Variants in PIK3CB observed in about 807,000 individuals in gnomAD.
The protein encoded by PIK3CB is phosphatidylinositol-4,5-bisphosphate 3-kinase catalytic subunit beta.
A neutral mutation model predicts 136.8 loss-of-function variants in PIK3CB; 39 were observed. The ratio of observed to expected loss-of-function variants is 0.29; its 90% CI spans 0.22 to 0.37. PIK3CB has a LOEUF of 0.37. Among genes scored for constraint, PIK3CB ranks in the 10% least tolerant of loss-of-function variants. The pLI is 1.00. For synonymous variants in PIK3CB, 428 were observed against 436.6 expected (o/e 0.98, Z 0.25); for missense variants, 868 against 1,275.4 (o/e 0.68, Z 4.87).
chr3:138,768,551 C>T (rs140448460), intron 2 of PIK3CB, among the ~76,000 whole-genome samples: 1 of 152,324 alleles, frequency 6.6e-6, no homozygotes, highest in African/African-American at 2.4e-5. Context: ...AGCCTTCAGA[C>T]CCTCCCTGGC....
intron 19 of PIK3CB, among the ~76,000 whole-genome samples, chr3:138,676,741 G>A (rs1460220872): frequency 6.6e-6 from 1 of 152,122 alleles, no homozygotes; most frequent in Non-Finnish European, 1.5e-5. Flanking sequence ...AAAGAAGCCA[G>A]TGACAAAGGC....
intron 1 of PIK3CB, among the ~76,000 whole-genome samples, chr3:138,822,982 G>A (rs953255108): frequency 2.8e-5 from 4 of 143,848 alleles, no homozygotes; most frequent in East Asian, 2.2e-4. Flanking sequence ...TTGCAGTGGC[G>A]TGATCTCGGC....
chr3:138,757,443 A>ATACC (rs1174929869), intron 3 of PIK3CB, among the ~76,000 whole-genome samples: 4 of 151,000 alleles, frequency 2.6e-5, no homozygotes, highest in Non-Finnish European at 1.5e-5. Context: ...CCACAATGAG[A>ATACC]TACCACTTCA....
chr3:138,721,036 T>G (rs1485165672), intron 8 of PIK3CB, among the ~76,000 whole-genome samples: 4 of 152,222 alleles, frequency 2.6e-5, no homozygotes, highest in Admixed American at 2.6e-4. Context: ...CTGTTTAAGC[T>G]ACTTTTTGGG....
In PIK3CB at chr3:138,684,686, G is replaced by A. The variant is rs749977364; in HGVS notation, c.2254C>T (p.Arg752Trp). 1.8e-5 allele frequency: 29 copies of A among 1,613,870 alleles called. No individual in the cohort carries two copies. Among genetic ancestry groups the A allele is most frequent in the Middle Eastern group, 1.7e-4 (1 of 6,060 alleles). ...GACTGCAGGTCAGAGAGGGCTTCCC[G>A]GTAAGCACTCTGTTTTAAACAGGTA... ...MHTCLKQSAY[R>W]EALSDLQSPL... Residue 752 changes from arginine (R) to tryptophan (W), a missense_variant, in exon 17 of 24, where the codon CGG (arginine) becomes TGG (tryptophan). By Grantham distance (101) the Arg-to-Trp change is moderately radical (BLOSUM62 -3). Around this residue, in one of 4 missense-constraint regions of PIK3CB, gnomAD observed 165 missense variants for 295.4 expected, o/e 0.56. Coordinates refer to ENST00000674063, the MANE Select transcript of PIK3CB (RefSeq NM_006219.3).
intron 4 of PIK3CB, among the ~76,000 whole-genome samples, chr3:138,744,390 C>A (rs13098897): frequency 0.99 from 101,440 of 102,634 alleles, 50,146 homozygotes; most frequent in East Asian, 0.99. Flanking sequence ...GCGAGACTCC[C>A]CCAAAAAAAA....
intron 1 of PIK3CB, among the ~76,000 whole-genome samples, chr3:138,809,606 CAA>C (rs57717750): frequency 5.3e-5 from 6 of 113,628 alleles, no homozygotes; most frequent in Non-Finnish European, 6.7e-5. Context: ...GACTTTGCCT[CAA>C]AAAAAAAAAA....
At chr3:138,741,118 G>C (rs556021045) in intron 5 of PIK3CB, among the ~76,000 whole-genome samples, 1 of 152,314 alleles carries the variant, frequency 6.6e-6, no homozygotes, top group South Asian at 2.1e-4. Flanking sequence ...ATGACAAATG[G>C]TGTTTTTCCC....
In PIK3CB at chr3:138,826,867, G is replaced by A. The variant is rs1016906138; in HGVS notation, c.-122+7828C>T. Among the ~76,000 whole-genome samples the A allele has an allele frequency of 4.0e-4, 61 of 152,134 alleles. 2 individuals are homozygous for A. The highest frequency in any genetic ancestry group is 2.6e-3 in the Admixed American group (39 of 15,268). Reference sequence around the variant, plus strand: ...GCGGATCGCCTGAGGTCAGGAGTTCGAGACCAGCCTGACTAACATGGTAAA... The same window carrying A: ...GCGGATCGCCTGAGGTCAGGAGTTCAAGACCAGCCTGACTAACATGGTAAA... On this transcript the variant is annotated intron_variant, in intron 1 of 23. Coordinates refer to ENST00000674063, the MANE Select transcript of PIK3CB (RefSeq NM_006219.3).
At chr3:138,682,200 G>C (rs2043796274) in intron 18 of PIK3CB, 155 bp from the exon 19 acceptor site, 1 of 524,542 alleles carries the variant, frequency 1.9e-6, no homozygotes. Context: ...TCTTTGGATA[G>C]CATGTCCCTG....
chr3:138,782,792 C>T (rs1035069148), intron 2 of PIK3CB, among the ~76,000 whole-genome samples: 1 of 152,196 alleles, frequency 6.6e-6, no homozygotes, highest in Non-Finnish European at 1.5e-5. Flanking sequence ...AAGAGAACCA[C>T]CTACCAAAGA....
At chr3:138,783,221 T>G (rs78427102) in intron 2 of PIK3CB, among the ~76,000 whole-genome samples, 4,758 of 152,260 alleles carry the variant, frequency 0.031, 255 homozygotes, top group African/African-American at 0.11. Context: ...TATTTTATTT[T>G]CATAAACAAA....
At chr3:138,717,359 GATTTT>G (rs1035869234) in intron 8 of PIK3CB, among the ~76,000 whole-genome samples, 8 of 151,570 alleles carry the variant, frequency 5.3e-5, no homozygotes, top group African/African-American at 1.9e-4. Flanking sequence ...AATGATCTTT[GATTTT>G]ATTTTATATA....
chr3:138,710,580 T>C (rs1411651983), intron 10 of PIK3CB, among the ~76,000 whole-genome samples: 1 of 152,114 alleles, frequency 6.6e-6, no homozygotes, highest in Non-Finnish European at 1.5e-5. Context: ...TATAGACCAA[T>C]GGGAAGATTT....
intron 1 of PIK3CB, among the ~76,000 whole-genome samples, chr3:138,799,497 G>A (rs1166903997): frequency 6.6e-6 from 1 of 151,962 alleles, no homozygotes; most frequent in Non-Finnish European, 1.5e-5. Context: ...AATGTACCTT[G>A]TACAGCATAA....
intron 11 of PIK3CB, among the ~76,000 whole-genome samples, chr3:138,706,106 G>C (rs1421631312): frequency 1.3e-5 from 2 of 152,160 alleles, no homozygotes; most frequent in South Asian, 2.1e-4. Flanking sequence ...ACACTACCAG[G>C]TGCAGTGGCT....
At chr3:138,832,842 A>C (rs1379181357) in intron 1 of PIK3CB, among the ~76,000 whole-genome samples, 4 of 148,522 alleles carry the variant, frequency 2.7e-5, no homozygotes, top group Non-Finnish European at 6.0e-5. Context: ...AAAAAAAAAA[A>C]AAAAAAACAA....
At chr3:138,721,926 T>C (rs1370228488) in intron 8 of PIK3CB, among the ~76,000 whole-genome samples, 1 of 152,202 alleles carries the variant, frequency 6.6e-6, no homozygotes, top group East Asian at 1.9e-4. Context: ...CAATTTACAG[T>C]ATTGAAATAT....
In PIK3CB at chr3:138,655,270, T is replaced by G; in HGVS notation, c.*119A>C. 5.1e-6 allele frequency: 5 copies of G among 985,026 alleles called. No individual in the cohort carries two copies. Among genetic ancestry groups the G allele is most frequent in the African/African-American group, 1.6e-5 (1 of 61,604 alleles). The allele number at this position is 985,026 out of a possible 1,614,324, so 61.0% of individuals were successfully genotyped here. ...GGATGCCTTGTTCTTAATTTAACTC[T>G]GAGTTCCAGGATTTCATTCCCTTTA... On this transcript the variant is annotated 3_prime_UTR_variant, in exon 24 of 24. Transcript: ENST00000674063.
Sources: gnomAD v4.1 joint callset for allele counts (sites outside exome capture counted in the v4.1 genomes callset) on GRCh38, gnomAD v4.1.1 for gene constraint, gnomAD v4.1.1 regional missense constraint, MANE v1.5 for transcripts, NCBI Gene and HGNC (gene_info 2026-07-23, HGNC 2026-07-21) for gene names.